HIVEP2: variants seen among roughly 807,000 people sequenced by gnomAD.
HIVEP2 encodes transcription factor HIVEP2.
HIVEP2 carries 14 observed loss-of-function variants against 180.7 expected under a neutral mutation model. The observed-to-expected ratio is 0.08, with a 90% CI of 0.05 to 0.12. HIVEP2 has a LOEUF of 0.12. HIVEP2 is among the 10% of genes least tolerant of loss of function. The pLI, the probability that HIVEP2 is intolerant of heterozygous loss-of-function variation, is 1.00. For synonymous variants in HIVEP2, 1,184 were observed against 1,136.4 expected, an observed-to-expected ratio of 1.04 and a Z score of -0.84; for missense variants, 2,579 against 3,008.5, an observed-to-expected ratio of 0.86 and a Z score of 3.34.
intron 2 of HIVEP2, among the ~76,000 whole-genome samples, chr6:142,822,814 C>T (rs1299104512): frequency 2.6e-5 from 4 of 152,280 alleles, no homozygotes; most frequent in Middle Eastern, 3.4e-3. Context: ...AAGTGTCTTT[C>T]CTCATCCCTC....
chr6:142,760,300 T>C lies in HIVEP2; in HGVS notation c.5988A>G (p.Thr1996=), dbSNP rs1775193010. 1 of 1,614,136 alleles carries C rather than the reference T, an allele frequency of 6.2e-7. No homozygotes were observed. Among genetic ancestry groups the C allele is most frequent in the Non-Finnish European group, 8.5e-7 (1 of 1,179,950 alleles). The change falls in exon 9 of 10, where the codon ACA becomes ACG. Residue 1996 remains threonine, a synonymous_variant. Coordinates refer to ENST00000367603, the MANE Select transcript of HIVEP2 (RefSeq NM_006734.4). Reference sequence around the variant, plus strand: ...TGCTCTGGAATAGCCTCTGGTATTCTGTCATCTGGGTATCTTCACATGAAT... The same window carrying C: ...TGCTCTGGAATAGCCTCTGGTATTCCGTCATCTGGGTATCTTCACATGAAT... The part of the protein sequence containing the change: ...PSDSCEDTQM[T]EYQRLFQSKS...
chr6:142,802,729 A>C (rs1256043084), intron 2 of HIVEP2, among the ~76,000 whole-genome samples: 2 of 152,168 alleles, frequency 1.3e-5, no homozygotes, highest in Non-Finnish European at 2.9e-5. Context: ...TAATAAGGGA[A>C]TATCATGGAG....
chr6:142,779,011 G>C (rs947955207), intron 3 of HIVEP2, among the ~76,000 whole-genome samples: 35 of 152,134 alleles, frequency 2.3e-4, no homozygotes, highest in African/African-American at 8.4e-4. Flanking sequence ...TTCAAAATAT[G>C]TATATTAAGT....
intron 1 of HIVEP2, among the ~76,000 whole-genome samples, chr6:142,876,976 G>A (rs1405194458): frequency 6.6e-6 from 1 of 152,182 alleles, no homozygotes; most frequent in Non-Finnish European, 1.5e-5. Context: ...TTGAGCCCAG[G>A]GGGTTGAGAT....
At chr6:142,932,395 C>T (rs1029192747) in intron 1 of HIVEP2, among the ~76,000 whole-genome samples, 1 of 151,910 alleles carries the variant, frequency 6.6e-6, no homozygotes, top group Non-Finnish European at 1.5e-5. Flanking sequence ...TTCTGTAAAA[C>T]GTTTCTAAGC....
At chr6:142,929,042 C>T (rs1029863413) in intron 1 of HIVEP2, among the ~76,000 whole-genome samples, 1 of 152,130 alleles carries the variant, frequency 6.6e-6, no homozygotes, top group African/African-American at 2.4e-5. Flanking sequence ...GATCTTACAC[C>T]AACTTTTTTT....
intron 2 of HIVEP2, among the ~76,000 whole-genome samples, chr6:142,796,604 A>C (rs1425400554): frequency 6.6e-6 from 1 of 152,168 alleles, no homozygotes; most frequent in African/African-American, 2.4e-5. Flanking sequence ...CTGCAGCTGT[A>C]GACCTCAAAC....
intron 2 of HIVEP2, among the ~76,000 whole-genome samples, chr6:142,810,501 G>C (rs1183224585): frequency 1.3e-5 from 2 of 152,156 alleles, no homozygotes; most frequent in African/African-American, 4.8e-5. Context: ...AGTGGCTCAT[G>C]CCTGTAATCC....
At chr6:142,777,035 C>T (rs1775719901) in intron 3 of HIVEP2, among the ~76,000 whole-genome samples, 1 of 152,112 alleles carries the variant, frequency 6.6e-6, no homozygotes, top group Non-Finnish European at 1.5e-5. Context: ...ATGAGGTACC[C>T]AGAGGATTCT....
chr6:142,824,330 G>T (rs1005569699), intron 2 of HIVEP2, among the ~76,000 whole-genome samples: 2 of 152,118 alleles, frequency 1.3e-5, no homozygotes, highest in East Asian at 3.8e-4. Context: ...ATTTAATAAA[G>T]ATTTAATTAC....
intron 2 of HIVEP2, among the ~76,000 whole-genome samples, chr6:142,790,954 A>G (rs1251289743): frequency 1.3e-5 from 2 of 152,282 alleles, no homozygotes; most frequent in Middle Eastern, 6.8e-3. Context: ...TCTACACACA[A>G]TAAAAATCTC....
At chr6:142,766,201 G>A (rs1231601230) in intron 6 of HIVEP2, among the ~76,000 whole-genome samples, 1 of 152,168 alleles carries the variant, frequency 6.6e-6, no homozygotes, top group African/African-American at 2.4e-5. Context: ...CAGCAACTCT[G>A]TTACGGATTC....
At position 142,820,297 on chromosome 6, in the gene HIVEP2, T is replaced by TTCTCTCTCTCTCTCTCTC. The variant is rs3057563; in HGVS notation, c.-528+16620_-528+16637dup. 5.3e-3 allele frequency among the ~76,000 whole-genome samples: 788 copies of TTCTCTCTCTCTCTCTCTC among 148,378 alleles called. 8 individuals are homozygous for TTCTCTCTCTCTCTCTCTC. Among genetic ancestry groups the TTCTCTCTCTCTCTCTCTC allele is most frequent in the African/African-American group, 0.018 (720 of 39,764 alleles). On this transcript the variant is annotated intron_variant, in intron 2 of 9. Coordinates refer to ENST00000367603, the MANE Select transcript of HIVEP2 (RefSeq NM_006734.4). ...ACTACTTTACCAGGCTCGCTCTCTC[T>TTCTCTCTCTCTCTCTCTC]TCTCTCTCTCTCTCTCTCTCTCTCT...
At chr6:142,931,244 T>C (rs998235567) in intron 1 of HIVEP2, among the ~76,000 whole-genome samples, 15 of 151,860 alleles carry the variant, frequency 9.9e-5, no homozygotes, top group African/African-American at 3.6e-4. Context: ...CAAAACTTTA[T>C]TGTATGCGTT....
chr6:142,863,993 G>C (rs1216011134), intron 1 of HIVEP2, among the ~76,000 whole-genome samples: 1 of 152,168 alleles, frequency 6.6e-6, no homozygotes, highest in Non-Finnish European at 1.5e-5. Flanking sequence ...ATCGTGTTAA[G>C]AGGATATGTG....
intron 2 of HIVEP2, among the ~76,000 whole-genome samples, chr6:142,828,905 C>T (rs1774994562): frequency 6.6e-6 from 1 of 152,126 alleles, no homozygotes. Context: ...TCCTGTTTCC[C>T]ACCTTTCATA....
intron 1 of HIVEP2, among the ~76,000 whole-genome samples, chr6:142,860,081 G>T (rs1775935479): frequency 6.6e-6 from 1 of 151,874 alleles, no homozygotes; most frequent in Non-Finnish European, 1.5e-5. Flanking sequence ...CAGAAATTCA[G>T]CAAAGATCTC....
At chr6:142,793,677 C>CTTTCTT (rs1554279295) in intron 2 of HIVEP2, among the ~76,000 whole-genome samples, 3 of 125,044 alleles carry the variant, frequency 2.4e-5, no homozygotes, top group Non-Finnish European at 3.3e-5. Flanking sequence ...CTTTCTTTCT[C>CTTTCTT]TCTCTCTCTC....
rs749471416 is a variant in HIVEP2, at chr6:142,772,387, G to C, written c.2352C>G (p.Asp784Glu). 5 of 1,614,082 alleles carry C rather than the reference G, an allele frequency of 3.1e-6. No individual in the cohort carries two copies. The highest frequency in any genetic ancestry group is 4.2e-6 in the Non-Finnish European group (5 of 1,180,036). The change falls in exon 5 of 10, where the codon GAC becomes GAG. Residue 784 changes from aspartate (D) to glutamate (E), a missense_variant. Asp to Glu is a conservative substitution (Grantham distance 45). Coordinates refer to ENST00000367603, the MANE Select transcript of HIVEP2 (RefSeq NM_006734.4). The surrounding 1 kb of genome is among the most constrained non-coding windows in gnomAD (Gnocchi z 4.9). ...SEESPSAIDS[D>E]KMSDLGGRKP... is the part of the protein sequence containing the mutation. Reference sequence around the variant, plus strand: ...TCCTGCCCCCTAGGTCTGACATCTTGTCTGAATCAATGGCTGAAGGTGACT... The same window carrying C: ...TCCTGCCCCCTAGGTCTGACATCTTCTCTGAATCAATGGCTGAAGGTGACT...
Sources: gnomAD v4.1 joint callset for allele counts (sites outside exome capture counted in the v4.1 genomes callset) on GRCh38, gnomAD v4.1.1 for gene constraint, Gnocchi (gnomAD v3.1) non-coding constraint, MANE v1.5 for transcripts, NCBI Gene and HGNC (gene_info 2026-07-23, HGNC 2026-07-21) for gene names.